Variants in ADCY5 observed in about 807,000 individuals in gnomAD.
ADCY5 encodes the protein adenylate cyclase 5, also known as adenylate cyclase type 5.
A neutral mutation model predicts 119.7 loss-of-function variants in ADCY5; 30 were observed. The ratio of observed to expected loss-of-function variants is 0.25; its 90% confidence interval spans 0.19 to 0.34. The LOEUF is 0.34. ADCY5 is among the 10% of genes least tolerant of loss of function. ADCY5 has a pLI of 1.00. For missense variants in ADCY5, 1,324 were observed against 1,775.2 expected, an observed-to-expected ratio of 0.75 and a Z score of 4.57; for synonymous variants, 753 against 762.2, an observed-to-expected ratio of 0.99 and a Z score of 0.20.
intron 1 of ADCY5, among the ~76,000 whole-genome samples, chr3:123,360,459 C>CCT (rs1179300868): frequency 6.6e-6 from 1 of 152,104 alleles, no homozygotes; most frequent in African/African-American, 2.4e-5. Context: ...TGCCAGAGAT[C>CCT]CTCAAATGAG....
At chr3:123,337,223 G>A (rs2108435341) in intron 3 of ADCY5, among the ~76,000 whole-genome samples, 2 of 152,252 alleles carry the variant, frequency 1.3e-5, no homozygotes, top group South Asian at 4.2e-4. Flanking sequence ...CTCTTTGAGG[G>A]AGAGATTTTA....
At chr3:123,377,677 C>T (rs900553500) in intron 1 of ADCY5, among the ~76,000 whole-genome samples, 2 of 152,170 alleles carry the variant, frequency 1.3e-5, no homozygotes, top group African/African-American at 4.8e-5. Context: ...AGTGCTTTTT[C>T]TCTGTGTGGA....
At chr3:123,439,167 A>G (rs1945679349) in intron 1 of ADCY5, among the ~76,000 whole-genome samples, 1 of 144,954 alleles carries the variant, frequency 6.9e-6, no homozygotes, top group Admixed American at 7.4e-5. Context: ...TCCTGGGTTC[A>G]TGCCATTCTC....
chr3:123,423,044 ACCAGTTACTGGAG>A (rs1473554330), intron 1 of ADCY5, among the ~76,000 whole-genome samples: 4 of 152,284 alleles, frequency 2.6e-5, no homozygotes, highest in Admixed American at 2.0e-4. Context: ...GAGAGGACAG[ACCAGTTACTGGAG>A]CCACCCTGGC....
chr3:123,419,998 G>A (rs1378761728), intron 1 of ADCY5, among the ~76,000 whole-genome samples: 1 of 151,732 alleles, frequency 6.6e-6, no homozygotes, highest in Non-Finnish European at 1.5e-5. Context: ...CCTCATCACT[G>A]TATCCCTGGG....
chr3:123,366,020 G>A (rs1465966432), intron 1 of ADCY5, among the ~76,000 whole-genome samples: 1 of 152,014 alleles, frequency 6.6e-6, no homozygotes, highest in East Asian at 1.9e-4. Context: ...GAAGTGAGGG[G>A]TGTTGTAAAT....
At chr3:123,405,866 C>A (rs1348591105) in intron 1 of ADCY5, among the ~76,000 whole-genome samples, 1 of 152,136 alleles carries the variant, frequency 6.6e-6, no homozygotes, top group East Asian at 1.9e-4. Flanking sequence ...AACTACTGGC[C>A]TCAAGCGATC....
intron 11 of ADCY5, 116 bp from the exon 12 acceptor site, chr3:123,314,438 A>G: frequency 1.3e-6 from 1 of 745,522 alleles, no homozygotes; most frequent in Non-Finnish European, 2.2e-6. Flanking sequence ...TCACAGCTTC[A>G]GAGGGCCTGG....
At chr3:123,293,233 T>C (rs1415088271) in intron 17 of ADCY5, among the ~76,000 whole-genome samples, 1 of 152,162 alleles carries the variant, frequency 6.6e-6, no homozygotes, top group East Asian at 1.9e-4. Flanking sequence ...AGGCAGGCGC[T>C]AGGCGGGTCA....
chr3:123,297,839 A>C (rs777133172), intron 15 of ADCY5, among the ~76,000 whole-genome samples: 4 of 152,224 alleles, frequency 2.6e-5, no homozygotes, highest in Non-Finnish European at 5.9e-5. Context: ...GTTTTGAATA[A>C]TTAGTGTAAA....
intron 3 of ADCY5, among the ~76,000 whole-genome samples, chr3:123,341,450 A>G (rs1328079819): frequency 6.6e-6 from 1 of 152,070 alleles, no homozygotes; most frequent in Non-Finnish European, 1.5e-5. Flanking sequence ...GACAGAAAAT[A>G]GAATGATGGT....
At chr3:123,417,686 T>C (rs746794053) in intron 1 of ADCY5, among the ~76,000 whole-genome samples, 6 of 152,132 alleles carry the variant, frequency 3.9e-5, no homozygotes, top group Non-Finnish European at 7.3e-5. Flanking sequence ...CTAAATCCGA[T>C]CCATTCAGAT....
chr3:123,443,140 C>T (rs1945751533), intron 1 of ADCY5, among the ~76,000 whole-genome samples: 1 of 152,284 alleles, frequency 6.6e-6, no homozygotes, highest in Non-Finnish European at 1.5e-5. Flanking sequence ...GGGCCAAGTT[C>T]CAGAGCAAGG....
At chr3:123,362,821 G>A (rs1943298476) in intron 1 of ADCY5, among the ~76,000 whole-genome samples, 1 of 152,078 alleles carries the variant, frequency 6.6e-6, no homozygotes, top group South Asian at 2.1e-4. Context: ...AAAGTATTTT[G>A]CCAATTAACA....
chr3:123,447,966 C>G lies in ADCY5; in HGVS notation c.580G>C (p.Gly194Arg). The G allele has an allele frequency of 2.1e-6, 3 of 1,457,324 alleles. No homozygotes were observed. In the Admixed American group the frequency reaches 7.8e-5, roughly 38 times the overall value. The allele number at this position is 1,457,324 out of a possible 1,614,324, so 90.3% of individuals were successfully genotyped here. A position where few individuals can be genotyped will look rare whatever the true frequency, so the allele number is the denominator to read the frequency against. The stretch of plus-strand genomic sequence containing the variant: ...ACCGCGCCGGGCCCCGCGCCCGAGC[C>G]CGAGTCCGCCGAGCTGCCGCCATCC... ...SGDGGSSADS[G>R]SGAGPGAVLS... The change falls in exon 1 of 21, where the codon GGC (glycine) becomes CGC (arginine). Residue 194 changes from glycine to arginine, a missense_variant. Physicochemically the swap from Gly to Arg is moderately radical, Grantham distance 125. Around this residue, in one of 6 missense-constraint regions of ADCY5, gnomAD observed 585 missense variants for 569.9 expected, o/e 1.03. Transcript: ENST00000462833.
chr3:123,347,865 G>A lies in ADCY5; in HGVS notation c.1323C>T (p.Ala441=), dbSNP rs1942630899. 6.2e-7 allele frequency: 1 copy of A among 1,614,078 alleles called. No homozygotes were observed. The highest frequency in any genetic ancestry group is 8.5e-7 in the Non-Finnish European group (1 of 1,180,012). ...LLLSVLPRHV[A]MEMKADINAK... is the part of the protein sequence containing the mutation. ...CGTTGATGTCTGCTTTCATCTCCAT[G>A]GCAACATGACGGGGAAGGACAGACA... The change falls in exon 3 of 21, where the codon GCC becomes GCT. Residue 441 remains alanine (A), a synonymous_variant. Transcript: ENST00000462833.
intron 1 of ADCY5, among the ~76,000 whole-genome samples, chr3:123,422,567 A>G (rs1436740187): frequency 2.0e-5 from 3 of 152,096 alleles, no homozygotes; most frequent in African/African-American, 7.2e-5. Flanking sequence ...ATGCCCCGGC[A>G]CCTACCATTA....
chr3:123,448,535 G>A lies in ADCY5; in HGVS notation c.11C>T (p.Ser4Phe). Residue 4 changes from serine to phenylalanine, a missense_variant, in exon 1 of 21, where the codon TCC becomes TTC. Physicochemically the swap from Ser to Phe is radical, Grantham distance 155. Transcript: ENST00000462833. ...GTAGCCCGGGGGGCTCACGCTTTTG[G>A]AGCCGGACATCCCCCCCTCGGCCTC... is the stretch of plus-strand genomic sequence containing the variant. MSG[S>F]KSVSPPGYAA... 1 of 1,266,142 alleles carries A rather than the reference G, an allele frequency of 7.9e-7. No homozygotes were observed. The highest frequency in any genetic ancestry group is 9.9e-7 in the Non-Finnish European group (1 of 1,007,332). The allele number at this position is 1,266,142 out of a possible 1,614,324, so 78.4% of individuals were successfully genotyped here. A position where few individuals can be genotyped will look rare whatever the true frequency, so the allele number is the denominator to read the frequency against.
chr3:123,343,918 C>G (rs1377196270), intron 3 of ADCY5, among the ~76,000 whole-genome samples: 1 of 152,238 alleles, frequency 6.6e-6, no homozygotes, highest in Non-Finnish European at 1.5e-5. Context: ...AACTAAGTGT[C>G]TCCGGGGTCT....
Sources: gnomAD v4.1 joint callset for allele counts (sites outside exome capture counted in the v4.1 genomes callset) on GRCh38, gnomAD v4.1.1 for gene constraint, gnomAD v4.1.1 regional missense constraint, MANE v1.5 for transcripts, NCBI Gene and HGNC (gene_info 2026-07-23, HGNC 2026-07-21) for gene names.